The following PPP4R2 variants were observed in gnomAD, a reference collection of about 807,000 sequenced individuals.
The protein encoded by PPP4R2 is protein phosphatase 4 regulatory subunit 2, also known as serine/threonine-protein phosphatase 4 regulatory subunit 2.
Under a neutral mutation model 47.2 loss-of-function variants are expected in PPP4R2, and 13 were observed. That is an observed-to-expected ratio of 0.28 (90% CI 0.18 to 0.44). PPP4R2 has a LOEUF of 0.44. Among genes scored for constraint, PPP4R2 ranks in the 20% least tolerant of loss-of-function variants. The pLI, the probability that PPP4R2 is intolerant of heterozygous loss-of-function variation, is 1.00. For synonymous variants in PPP4R2, 151 were observed against 163.3 expected (o/e 0.92, Z 0.57); for missense variants, 421 against 491.2 (o/e 0.86, Z 1.35).
intron 1 of PPP4R2, among the ~76,000 whole-genome samples, chr3:72,997,675 T>C (rs908643000): frequency 6.6e-6 from 1 of 152,168 alleles, no homozygotes; most frequent in Non-Finnish European, 1.5e-5. Flanking sequence ...TTCAGAATCA[T>C]TTGGGGACGG....
chr3:73,002,629 C>CTTGTTTTTTT (rs1701496285), intron 2 of PPP4R2, among the ~76,000 whole-genome samples: 1 of 83,002 alleles, frequency 1.2e-5, no homozygotes, highest in Non-Finnish European at 2.4e-5. Context: ...CTTTTCTTTT[C>CTTGTTTTTTT]TTTTCTTTTT....
intron 2 of PPP4R2, among the ~76,000 whole-genome samples, chr3:73,029,540 C>T (rs112115204): frequency 6.6e-6 from 1 of 150,956 alleles, no homozygotes; most frequent in Non-Finnish European, 1.5e-5. Context: ...TCTGAGCATC[C>T]GAAGTGTGGA....
chr3:73,031,190 G>C (rs1444620977), intron 2 of PPP4R2, among the ~76,000 whole-genome samples: 10 of 152,174 alleles, frequency 6.6e-5, no homozygotes, highest in Admixed American at 5.9e-4. Context: ...GCTAAGGTTT[G>C]ACAAAGCTAA....
chr3:73,018,465 A>ATGTTTGTTATGTTAT (rs1295553516), intron 2 of PPP4R2, among the ~76,000 whole-genome samples: 1 of 88,856 alleles, frequency 1.1e-5, no homozygotes, highest in Non-Finnish European at 2.7e-5. Flanking sequence ...ATGTTATGTT[A>ATGTTTGTTATGTTAT]GTATCCGAAA....
chr3:73,063,886 C>A, intron 6 of PPP4R2, 117 bp from the exon 7 acceptor site: 2 of 1,149,702 alleles, frequency 1.7e-6, no homozygotes, highest in Non-Finnish European at 2.5e-6. Flanking sequence ...TTTGGTAAGG[C>A]ATGGGCCTGA....
intron 2 of PPP4R2, among the ~76,000 whole-genome samples, chr3:73,040,621 C>T (rs938130559): frequency 5.3e-5 from 8 of 150,746 alleles, no homozygotes; most frequent in East Asian, 4.0e-4. Context: ...TCTTCTGTCT[C>T]AGCCTGTCTG....
intron 2 of PPP4R2, among the ~76,000 whole-genome samples, chr3:73,008,161 T>G (rs1010913796): frequency 1.3e-5 from 2 of 151,488 alleles, no homozygotes; most frequent in Non-Finnish European, 2.9e-5. Context: ...AATCTATAAA[T>G]ACTAAAATTA....
chr3:73,048,000 G>A (rs373324029), intron 3 of PPP4R2, among the ~76,000 whole-genome samples: 6 of 152,084 alleles, frequency 3.9e-5, no homozygotes, highest in Middle Eastern at 6.8e-3. Context: ...CCTCAGCTTC[G>A]CGAGTAACTG....
chr3:72,999,639 T>C (rs1373840226), intron 2 of PPP4R2, among the ~76,000 whole-genome samples: 2 of 152,264 alleles, frequency 1.3e-5, no homozygotes, highest in Non-Finnish European at 2.9e-5. Flanking sequence ...TGAAAGTTTC[T>C]AAAAGATAGC....
At chr3:73,050,150 A>C (rs1055570700) in intron 3 of PPP4R2, among the ~76,000 whole-genome samples, 7 of 152,016 alleles carry the variant, frequency 4.6e-5, no homozygotes, top group Admixed American at 3.9e-4. Context: ...GTTTTAGTAG[A>C]GACGGGGTTT....
intron 2 of PPP4R2, among the ~76,000 whole-genome samples, chr3:73,021,887 T>TGC: frequency 1.5e-5 from 1 of 66,138 alleles, no homozygotes; most frequent in Middle Eastern, 6.5e-3. Flanking sequence ...TGTGTATATA[T>TGC]GCATATATAT....
At chr3:73,001,523 G>A (rs1701456958) in intron 2 of PPP4R2, among the ~76,000 whole-genome samples, 1 of 152,176 alleles carries the variant, frequency 6.6e-6, no homozygotes, top group African/African-American at 2.4e-5. Flanking sequence ...GCAGTGAGCC[G>A]TGATTGTGCC....
intron 2 of PPP4R2, among the ~76,000 whole-genome samples, chr3:73,045,006 C>T (rs1385882452): frequency 6.6e-6 from 1 of 152,076 alleles, no homozygotes; most frequent in Admixed American, 6.6e-5. Context: ...CACACAGTAT[C>T]TTTAAGAGAC....
intron 2 of PPP4R2, among the ~76,000 whole-genome samples, chr3:73,042,023 G>A (rs1224912681): frequency 1.3e-5 from 2 of 152,070 alleles, no homozygotes; most frequent in Non-Finnish European, 2.9e-5. Flanking sequence ...AAAATGGAAG[G>A]GGAGAAGAAA....
intron 2 of PPP4R2, among the ~76,000 whole-genome samples, chr3:73,030,170 C>A (rs1490915427): frequency 6.6e-6 from 1 of 152,010 alleles, no homozygotes; most frequent in Non-Finnish European, 1.5e-5. Context: ...CCATTATTAG[C>A]AAATAAAAAG....
At chr3:73,026,362 T>A (rs1024450347) in intron 2 of PPP4R2, among the ~76,000 whole-genome samples, 1 of 152,200 alleles carries the variant, frequency 6.6e-6, no homozygotes, top group African/African-American at 2.4e-5. Flanking sequence ...TGTGTTGCTC[T>A]TGACTTTGTG....
At position 73,059,027 on chromosome 3, in the gene PPP4R2, T is replaced by G. The variant is rs201905321; in HGVS notation, c.288-10T>G. 1.1e-4 allele frequency: 171 copies of G among 1,512,176 alleles called. 1 individual carries two copies. Among genetic ancestry groups the G allele is most frequent in the Non-Finnish European group, 1.5e-4 (162 of 1,100,996 alleles). The allele number at this position is 1,512,176 out of a possible 1,614,324, so 93.7% of individuals were successfully genotyped here. ...GTGATCTCACACTGTAAAATTATAT[T>G]TTTTTGCAGTATCCCTTTTACTATT... On this transcript the variant is annotated splice_polypyrimidine_tract_variant and intron_variant, in intron 3 of 8. Transcript: ENST00000356692.
chr3:73,036,123 G>A (rs1702256636), intron 2 of PPP4R2, among the ~76,000 whole-genome samples: 1 of 152,276 alleles, frequency 6.6e-6, no homozygotes, highest in East Asian at 1.9e-4. Flanking sequence ...AGGTCATTAT[G>A]TTAAGTGAAA....
rs767607543 is a variant in PPP4R2, at chr3:73,062,466, TTG to T, written c.420-1203_420-1202del. ...CCCTGTGACCCCAAGTTTAGTATTC[TTG>T]TGTTTCATATTTGATGGGTTACACC... On this transcript the variant is annotated intron_variant, in intron 5 of 8. Coordinates refer to ENST00000356692, the MANE Select transcript of PPP4R2 (RefSeq NM_174907.4). 3.7e-6 allele frequency: 6 copies of T among 1,612,950 alleles called. No homozygotes were observed. The East Asian group carries it at 1.3e-4, about 36-fold the overall frequency.
Sources: gnomAD v4.1 joint callset for allele counts (sites outside exome capture counted in the v4.1 genomes callset) on GRCh38, gnomAD v4.1.1 for gene constraint, MANE v1.5 for transcripts, NCBI Gene and HGNC (gene_info 2026-07-23, HGNC 2026-07-21) for gene names.